RAB6A: variants seen among roughly 807,000 people sequenced by gnomAD.
RAB6A encodes RAB6A, member RAS oncogene family, also known as ras-related protein Rab-6A.
In RAB6A, 8 loss-of-function variants were observed where a neutral mutation model predicts 32.3. That is an observed-to-expected ratio of 0.25 (90% confidence interval 0.15 to 0.45). RAB6A has a LOEUF of 0.45. Among genes scored for constraint, RAB6A ranks in the 20% least tolerant of loss-of-function variants. The probability of loss-of-function intolerance (pLI) is 1.00; values close to 1 mark genes in which losing one functional copy is unlikely to be tolerated. For missense variants in RAB6A, 104 were observed against 249.4 expected, an observed-to-expected ratio of 0.42 and a Z score of 3.93; for synonymous variants, 73 against 82.1, an observed-to-expected ratio of 0.89 and a Z score of 0.60.
chr11:73,711,867 G>GT (rs1157379233), intron 5 of RAB6A, among the ~76,000 whole-genome samples: 2 of 152,200 alleles, frequency 1.3e-5, no homozygotes, highest in Admixed American at 6.5e-5. Context: ...CAGTACTTCA[G>GT]TAAGAGCAAG....
intron 1 of RAB6A, among the ~76,000 whole-genome samples, chr11:73,759,784 G>C (rs1162538410): frequency 6.6e-6 from 1 of 152,154 alleles, no homozygotes; most frequent in Non-Finnish European, 1.5e-5. Flanking sequence ...TCATGACATA[G>C]CATCTGGCAG....
At chr11:73,679,999 G>A (rs1339847648) in intron 6 of RAB6A, among the ~76,000 whole-genome samples, 1 of 152,184 alleles carries the variant, frequency 6.6e-6, no homozygotes, top group Non-Finnish European at 1.5e-5. Context: ...TGGAGAGGCT[G>A]AACCTGGAGG....
intron 6 of RAB6A, among the ~76,000 whole-genome samples, chr11:73,687,240 GT>G (rs1347126131): frequency 1.3e-5 from 2 of 152,064 alleles, no homozygotes; most frequent in Admixed American, 1.3e-4. Context: ...GAAATAAGGA[GT>G]TATTATTTAA....
chr11:73,706,068 A>G (rs1945837093), intron 6 of RAB6A, among the ~76,000 whole-genome samples: 1 of 152,214 alleles, frequency 6.6e-6, no homozygotes. Flanking sequence ...TGAGGAAAGA[A>G]TCAGTGATCA....
chr11:73,722,058 T>TATATATATATATATATATATA (rs1270436615), intron 2 of RAB6A, among the ~76,000 whole-genome samples: 11 of 147,772 alleles, frequency 7.4e-5, no homozygotes, highest in Non-Finnish European at 1.1e-4. Flanking sequence ...TCTGCCATGA[T>TATATATATATATATATATATA]TGTAAGTTTC....
intron 1 of RAB6A, among the ~76,000 whole-genome samples, chr11:73,749,274 T>C (rs1030976076): frequency 3.3e-5 from 5 of 152,058 alleles, no homozygotes; most frequent in Non-Finnish European, 2.9e-5. Flanking sequence ...AAATCAAACA[T>C]CGTGTGTTCT....
intron 6 of RAB6A, among the ~76,000 whole-genome samples, chr11:73,698,134 T>C (rs748636857): frequency 1.3e-5 from 2 of 152,122 alleles, no homozygotes; most frequent in Non-Finnish European, 2.9e-5. Flanking sequence ...GGTAGGAGAA[T>C]CACTTGAACC....
intron 1 of RAB6A, chr11:73,760,160 T>G: frequency 8.1e-7 from 1 of 1,232,224 alleles, no homozygotes; most frequent in Admixed American, 2.3e-5. Context: ...GGGGCTTCCC[T>G]GAGTGGGCCT....
At chr11:73,724,262 A>G (rs1946183525) in intron 2 of RAB6A, among the ~76,000 whole-genome samples, 1 of 152,204 alleles carries the variant, frequency 6.6e-6, no homozygotes, top group South Asian at 2.1e-4. Context: ...AAAAACATTC[A>G]CTTGAGAATA....
intron 6 of RAB6A, among the ~76,000 whole-genome samples, chr11:73,685,783 G>T (rs192735820): frequency 6.7e-6 from 1 of 148,988 alleles, no homozygotes; most frequent in East Asian, 2.0e-4. Flanking sequence ...TACTTGGGAG[G>T]GTGAGGCAGG....
intron 2 of RAB6A, among the ~76,000 whole-genome samples, chr11:73,727,421 A>C (rs991095103): frequency 7.2e-6 from 1 of 138,924 alleles, no homozygotes; most frequent in Non-Finnish European, 1.6e-5. Context: ...GCAATACTCT[A>C]TCTCTTGGAA....
At chr11:73,739,282 AAAAT>A (rs1269200807) in intron 1 of RAB6A, among the ~76,000 whole-genome samples, 12 of 15,346 alleles carry the variant, frequency 7.8e-4, no homozygotes, top group Non-Finnish European at 1.1e-3. Flanking sequence ...AAAAAAAAAA[AAAAT>A]ATATATATAT....
intron 6 of RAB6A, among the ~76,000 whole-genome samples, chr11:73,691,024 TG>T (rs932226458): frequency 3.3e-5 from 1 of 30,656 alleles, no homozygotes; most frequent in African/African-American, 1.4e-4. Context: ...TTTTCGGGGG[TG>T]GGGGGGCGAT....
chr11:73,733,573 AAAAATAAATAAAT>A (rs1034339152), intron 1 of RAB6A, among the ~76,000 whole-genome samples: 8 of 140,008 alleles, frequency 5.7e-5, no homozygotes, highest in African/African-American at 2.0e-4. Context: ...ATAAATAAAT[AAAAATAAATAAAT>A]AAATAAAGAG....
chr11:73,680,608 C>T (rs1488877705), intron 6 of RAB6A, among the ~76,000 whole-genome samples: 5 of 151,874 alleles, frequency 3.3e-5, no homozygotes, highest in African/African-American at 9.7e-5. Flanking sequence ...GCCAAGATCA[C>T]GCCACTGCAT....
intron 1 of RAB6A, among the ~76,000 whole-genome samples, chr11:73,747,884 A>T (rs149380258): frequency 1.3e-5 from 2 of 152,226 alleles, no homozygotes; most frequent in African/African-American, 2.4e-5. Context: ...TCAGTGCATT[A>T]TAACAGAGGA....
At chr11:73,749,588 A>T (rs1946643266) in intron 1 of RAB6A, among the ~76,000 whole-genome samples, 1 of 152,198 alleles carries the variant, frequency 6.6e-6, no homozygotes, top group Non-Finnish European at 1.5e-5. Flanking sequence ...TCATGACTGT[A>T]ATCTCAGCCT....
chr11:73,720,575 T>G (rs1220842967), intron 3 of RAB6A, among the ~76,000 whole-genome samples: 2 of 152,286 alleles, frequency 1.3e-5, no homozygotes, highest in African/African-American at 4.8e-5. Flanking sequence ...TTTGAATGCC[T>G]CAAGGGTGGC....
At chr11:73,687,860 G>A (rs199665218) in intron 6 of RAB6A, among the ~76,000 whole-genome samples, 2 of 151,052 alleles carry the variant, frequency 1.3e-5, no homozygotes. Context: ...TCCATCTCAA[G>A]AAAAAAAAAG....
Sources: gnomAD v4.1 joint callset for allele counts (sites outside exome capture counted in the v4.1 genomes callset) on GRCh38, gnomAD v4.1.1 for gene constraint, MANE v1.5 for transcripts, NCBI Gene and HGNC (gene_info 2026-07-23, HGNC 2026-07-21) for gene names.